The following FLI1 variants were observed in gnomAD, a reference collection of about 807,000 sequenced individuals.
FLI1 encodes Friend leukemia integration 1 transcription factor.
A neutral mutation model predicts 53.1 loss-of-function variants in FLI1; 13 were observed. The observed-to-expected ratio is 0.24, with a 90% CI of 0.16 to 0.39. FLI1 has a LOEUF of 0.39. Ranked by LOEUF, FLI1 falls within the 10% of genes least tolerant of loss-of-function variation. The probability of loss-of-function intolerance (pLI) is 1.00; values close to 1 mark genes in which losing one functional copy is unlikely to be tolerated. For synonymous variants in FLI1, 244 were observed against 236.7 expected (o/e 1.03, Z -0.28); for missense variants, 424 against 600.5 (o/e 0.71, Z 3.07).
intron 4 of FLI1, among the ~76,000 whole-genome samples, chr11:128,781,204 AG>A (rs367627089): frequency 1.2e-3 from 190 of 152,298 alleles, no homozygotes; most frequent in African/African-American, 4.3e-3. Context: ...GGGAAGCAAA[AG>A]TTCCTATTGG....
At position 128,702,359 on chromosome 11, in the gene FLI1, C is replaced by T. The variant is rs76198815; in HGVS notation, c.18+8083C>T. 4.4e-3 allele frequency among the ~76,000 whole-genome samples: 666 copies of T among 152,344 alleles called. 4 individuals are homozygous for T. The highest frequency in any genetic ancestry group is 0.015 in the African/African-American group (605 of 41,584). On this transcript the variant is annotated intron_variant, in intron 1 of 8. Coordinates refer to ENST00000527786, the MANE Select transcript of FLI1 (RefSeq NM_002017.5). The stretch of plus-strand genomic sequence containing the variant: ...ATTGGAAATTCCAAAAGAAGCAATA[C>T]TCATTGGAGAAATCTTTATTTGTGG...
chr11:128,687,211 C>G (rs1937596342), intron 1 of FLI1, among the ~76,000 whole-genome samples: 1 of 152,232 alleles, frequency 6.6e-6, no homozygotes, highest in Non-Finnish European at 1.5e-5. Context: ...TTCTTTGGCC[C>G]CGCCCGCCCT....
At chr11:128,775,540 G>A (rs997961644) in intron 4 of FLI1, among the ~76,000 whole-genome samples, 1 of 152,178 alleles carries the variant, frequency 6.6e-6, no homozygotes, top group African/African-American at 2.4e-5. Flanking sequence ...GCTGCTAAGC[G>A]CCTGCAGGAG....
intron 1 of FLI1, among the ~76,000 whole-genome samples, chr11:128,744,964 C>A (rs1304050291): frequency 6.6e-6 from 1 of 152,132 alleles, no homozygotes; most frequent in African/African-American, 2.4e-5. Context: ...CTGGAGTGAG[C>A]AGGGAGACTT....
At chr11:128,788,735 A>G (rs1942175874) in intron 5 of FLI1, among the ~76,000 whole-genome samples, 1 of 152,178 alleles carries the variant, frequency 6.6e-6, no homozygotes, top group Non-Finnish European at 1.5e-5. Context: ...AATTATTCCT[A>G]TGTAGGCAGA....
chr11:128,708,854 G>A (rs2135714853), intron 1 of FLI1, among the ~76,000 whole-genome samples: 1 of 152,292 alleles, frequency 6.6e-6, no homozygotes, highest in South Asian at 2.1e-4. Flanking sequence ...GTCAGGCAAA[G>A]TTCAGTCAGC....
chr11:128,793,506 G>T (rs911982794), intron 5 of FLI1, among the ~76,000 whole-genome samples: 3 of 152,136 alleles, frequency 2.0e-5, no homozygotes, highest in African/African-American at 7.2e-5. Context: ...GAGAGCCAGG[G>T]CTTCATCCCA....
chr11:128,729,769 G>A (rs1303963511), intron 1 of FLI1, among the ~76,000 whole-genome samples: 2 of 152,226 alleles, frequency 1.3e-5, no homozygotes, highest in Non-Finnish European at 2.9e-5. Flanking sequence ...CAGGCTGGAA[G>A]AGCATGTCCC....
chr11:128,790,009 A>C (rs78445450), intron 5 of FLI1, among the ~76,000 whole-genome samples: 5,105 of 151,592 alleles, frequency 0.034, 283 homozygotes, highest in African/African-American at 0.12. Context: ...AAATGTGCCT[A>C]AGCCATTCTT....
At position 128,810,859 on chromosome 11, in the gene FLI1, C is replaced by G; in HGVS notation, c.1230C>G (p.Val410=). The change falls in exon 9 of 9, where the codon GTC becomes GTG. Residue 410 remains valine, a synonymous_variant. Transcript: ENST00000527786. The surrounding 1 kb of genome is among the most constrained non-coding windows in gnomAD (Gnocchi z 6.6). ...FVPPHPSSMP[V]TSSSFFGAAS... is the part of the protein sequence containing the mutation. ...CTCCCCATCCATCCTCCATGCCTGT[C>G]ACTTCCTCCAGCTTCTTTGGAGCCG... The G allele has an allele frequency of 6.2e-7, 1 of 1,614,070 alleles. No individual in the cohort carries two copies. The highest frequency in any genetic ancestry group is 8.5e-7 in the Non-Finnish European group (1 of 1,179,908).
At chr11:128,770,845 G>A (rs1376435558) in intron 3 of FLI1, among the ~76,000 whole-genome samples, 1 of 152,212 alleles carries the variant, frequency 6.6e-6, no homozygotes, top group African/African-American at 2.4e-5. Flanking sequence ...CTTCTGGAGA[G>A]TAAAAGAGCA....
intron 1 of FLI1, among the ~76,000 whole-genome samples, chr11:128,731,479 CT>C (rs11445327): frequency 7.4e-5 from 11 of 148,408 alleles, no homozygotes; most frequent in East Asian, 2.0e-4. Context: ...TTGAGCAGCC[CT>C]TTTTTTTTTC....
intron 2 of FLI1, 43 bp downstream of exon 2, chr11:128,758,369 G>T: frequency 1.9e-6 from 3 of 1,552,972 alleles, no homozygotes; most frequent in East Asian, 2.3e-5. Context: ...AAGGCACAAA[G>T]TCGCCAGATC....
At chr11:128,707,777 C>A (rs747106775) in intron 1 of FLI1, among the ~76,000 whole-genome samples, 1 of 152,298 alleles carries the variant, frequency 6.6e-6, no homozygotes. Context: ...GACCCAGACT[C>A]TTCTCTGCCC....
chr11:128,686,081 CG>C (rs1488529317), upstream of FLI1: 7 of 319,876 alleles, frequency 2.2e-5, no homozygotes, highest in African/African-American at 1.5e-4. Context: ...CCTCCGTCCC[CG>C]GGCCACCAGC....
intron 1 of FLI1, among the ~76,000 whole-genome samples, chr11:128,752,222 C>A (rs1159396093): frequency 6.6e-6 from 1 of 152,128 alleles, no homozygotes; most frequent in Non-Finnish European, 1.5e-5. Context: ...ATGATCTTCC[C>A]GCCTCAGCCT....
intron 1 of FLI1, among the ~76,000 whole-genome samples, chr11:128,707,945 T>A (rs912398423): frequency 5.9e-5 from 9 of 152,248 alleles, no homozygotes; most frequent in African/African-American, 9.6e-5. Context: ...TTTTCTCTCC[T>A]AAATGTCCAT....
intron 1 of FLI1, among the ~76,000 whole-genome samples, chr11:128,700,621 C>T (rs1275400981): frequency 2.0e-5 from 3 of 152,160 alleles, no homozygotes; most frequent in Non-Finnish European, 4.4e-5. Context: ...TGCCTGTAAT[C>T]CCAGTTCTTT....
At position 128,807,197 on chromosome 11, in the gene FLI1, G is replaced by A. The variant is rs370779379; in HGVS notation, c.739G>A (p.Ala247Thr). Residue 247 changes from alanine to threonine, a missense_variant, in exon 7 of 9, where the codon GCA becomes ACA. Coordinates refer to ENST00000527786, the MANE Select transcript of FLI1 (RefSeq NM_002017.5). ...GLNKSPPLGG[A>T]QTISKNTEQR... ...TGCCACAGGTCCTCCCCTTGGAGGG[G>A]CACAAACGATCAGTAAGAATACAGA... is the stretch of plus-strand genomic sequence containing the variant. The A allele has an allele frequency of 3.1e-6, 5 of 1,598,336 alleles. No individual in the cohort carries two copies. In the African/African-American group the frequency reaches 6.7e-5, roughly 22 times the overall value.
Sources: allele counts gnomAD v4.1 joint callset (sites outside exome capture counted in the v4.1 genomes callset), GRCh38; gene constraint gnomAD v4.1.1; non-coding constraint Gnocchi (gnomAD v3.1); transcripts MANE v1.5; gene names NCBI Gene and HGNC (gene_info 2026-07-23, HGNC 2026-07-21).